The following EXOC6B variants were observed in gnomAD, a reference collection of about 807,000 sequenced individuals.
EXOC6B encodes SEC15 homolog B.
A neutral mutation model predicts 113.5 loss-of-function variants in EXOC6B; 54 were observed. The ratio of observed to expected loss-of-function variants is 0.48; its 90% CI spans 0.38 to 0.60. The LOEUF (loss-of-function observed/expected upper bound fraction) is 0.60, where lower values mean the gene tolerates loss of function less well. Among genes scored for constraint, EXOC6B ranks in the 20% least tolerant of loss-of-function variants. The pLI is 0.00. For synonymous variants in EXOC6B, 357 were observed against 339.0 expected, an observed-to-expected ratio of 1.05 and a Z score of -0.58; for missense variants, 797 against 977.5, an observed-to-expected ratio of 0.82 and a Z score of 2.46.
At chr2:72,689,065 C>A (rs1216106342) in intron 6 of EXOC6B, among the ~76,000 whole-genome samples, 1 of 152,096 alleles carries the variant, frequency 6.6e-6, no homozygotes, top group African/African-American at 2.4e-5. Context: ...TTTAAACTTC[C>A]AAAACATAAT....
intron 18 of EXOC6B, among the ~76,000 whole-genome samples, chr2:72,395,554 C>T (rs1573022905): frequency 1.3e-5 from 2 of 152,232 alleles, no homozygotes; most frequent in South Asian, 4.1e-4. Context: ...TTTACAAGAA[C>T]TTAATAAGCT....
intron 18 of EXOC6B, among the ~76,000 whole-genome samples, chr2:72,449,188 ATT>A (rs202081228): frequency 6.8e-6 from 1 of 147,836 alleles, no homozygotes; most frequent in Non-Finnish European, 1.5e-5. Flanking sequence ...AGCATTGTCA[ATT>A]TTTTTTTTTT....
At chr2:72,520,480 A>G (rs1460654055) in intron 8 of EXOC6B, among the ~76,000 whole-genome samples, 1 of 152,198 alleles carries the variant, frequency 6.6e-6, no homozygotes, top group Admixed American at 6.5e-5. Context: ...CTGGATTTTT[A>G]GGATGATGTT....
chr2:72,367,614 C>T (rs965262162), intron 19 of EXOC6B, among the ~76,000 whole-genome samples: 2 of 151,830 alleles, frequency 1.3e-5, no homozygotes. Context: ...ATTTTTACAT[C>T]ATATCGCTAA....
intron 6 of EXOC6B, among the ~76,000 whole-genome samples, chr2:72,713,804 C>T (rs999861936): frequency 2.6e-5 from 4 of 152,112 alleles, no homozygotes; most frequent in Admixed American, 1.3e-4. Context: ...AAGCAAGAGA[C>T]GTGGAAGATA....
intron 21 of EXOC6B, among the ~76,000 whole-genome samples, chr2:72,180,933 G>T (rs1678042282): frequency 6.6e-6 from 1 of 152,130 alleles, no homozygotes; most frequent in South Asian, 2.1e-4. Flanking sequence ...CTTTCGGCTG[G>T]GCGCGGTAGC....
intron 20 of EXOC6B, among the ~76,000 whole-genome samples, chr2:72,186,479 C>T (rs1295622235): frequency 1.3e-5 from 2 of 151,736 alleles, no homozygotes; most frequent in African/African-American, 4.8e-5. Flanking sequence ...TCCTGCAACT[C>T]CTAGGGAAAG....
At chr2:72,556,743 G>A (rs1281866238) in intron 8 of EXOC6B, among the ~76,000 whole-genome samples, 1 of 91,826 alleles carries the variant, frequency 1.1e-5, no homozygotes, top group Non-Finnish European at 2.9e-5. Context: ...AGGATAAAGA[G>A]GTATTTTAAA....
intron 6 of EXOC6B, among the ~76,000 whole-genome samples, chr2:72,580,423 G>A (rs1282748511): frequency 6.6e-6 from 1 of 152,048 alleles, no homozygotes; most frequent in Non-Finnish European, 1.5e-5. Flanking sequence ...GATTACAGGT[G>A]TGAGCCACCA....
At chr2:72,341,184 T>C (rs1689013081) in intron 19 of EXOC6B, among the ~76,000 whole-genome samples, 1 of 152,194 alleles carries the variant, frequency 6.6e-6, no homozygotes. Flanking sequence ...TGAAACTCAC[T>C]AGATCTCCAA....
intron 19 of EXOC6B, among the ~76,000 whole-genome samples, chr2:72,368,912 T>A (rs1690816209): frequency 6.6e-6 from 1 of 152,186 alleles, no homozygotes; most frequent in Non-Finnish European, 1.5e-5. Context: ...AATATCATAC[T>A]GAATGGGCAA....
At chr2:72,522,478 C>A (rs1701545395) in intron 8 of EXOC6B, among the ~76,000 whole-genome samples, 1 of 151,676 alleles carries the variant, frequency 6.6e-6, no homozygotes, top group Non-Finnish European at 1.5e-5. Context: ...CTTTTTAAGT[C>A]ATTTATTACA....
At chr2:72,454,336 T>C (rs1022580358) in intron 18 of EXOC6B, among the ~76,000 whole-genome samples, 1 of 151,950 alleles carries the variant, frequency 6.6e-6, no homozygotes, top group Non-Finnish European at 1.5e-5. Flanking sequence ...AGACCCCATC[T>C]CAACAAAAAA....
chr2:72,194,079 G>A (rs1000751542), intron 20 of EXOC6B, among the ~76,000 whole-genome samples: 1 of 152,138 alleles, frequency 6.6e-6, no homozygotes, highest in Non-Finnish European at 1.5e-5. Context: ...TCCAAGGCAG[G>A]GAGGGCAGTA....
intron 20 of EXOC6B, among the ~76,000 whole-genome samples, chr2:72,292,950 A>T (rs1363284902): frequency 6.6e-6 from 1 of 152,112 alleles, no homozygotes; most frequent in Non-Finnish European, 1.5e-5. Flanking sequence ...GTACGTTTGG[A>T]TTGTTTCCAG....
intron 20 of EXOC6B, among the ~76,000 whole-genome samples, chr2:72,314,065 T>A (rs553357785): frequency 1.8e-4 from 27 of 152,302 alleles, no homozygotes; most frequent in African/African-American, 4.8e-4. Context: ...AATAGCTTAC[T>A]TTAGATTTCT....
At chr2:72,461,661 T>C (rs1021453565) in intron 18 of EXOC6B, 1 of 152,014 alleles carries the variant, frequency 6.6e-6, no homozygotes, top group African/African-American at 2.4e-5. Flanking sequence ...CATCTGAATA[T>C]TATAATACAA....
At chr2:72,185,983 A>C (rs997631311) in intron 20 of EXOC6B, among the ~76,000 whole-genome samples, 2 of 151,784 alleles carry the variant, frequency 1.3e-5, no homozygotes, top group African/African-American at 2.4e-5. Context: ...ATGAGTGAGA[A>C]CATGAGGTGT....
intron 6 of EXOC6B, among the ~76,000 whole-genome samples, chr2:72,590,541 G>A (rs112630958): frequency 0.017 from 2,517 of 152,002 alleles, 39 homozygotes; most frequent in Non-Finnish European, 0.024. Flanking sequence ...TCCACATTGA[G>A]GGTTTTTGTT....
Sources: allele counts gnomAD v4.1 joint callset (sites outside exome capture counted in the v4.1 genomes callset), GRCh38; gene constraint gnomAD v4.1.1; transcripts MANE v1.5; gene names NCBI Gene and HGNC (gene_info 2026-07-23, HGNC 2026-07-21).